ANK2: variants seen among roughly 807,000 people sequenced by gnomAD.
ANK2 encodes the protein ankyrin-2.
Under a neutral mutation model 360.5 loss-of-function variants are expected in ANK2, and 83 were observed. The observed-to-expected ratio is 0.23, with a 90% CI of 0.19 to 0.28. The LOEUF (loss-of-function observed/expected upper bound fraction) is 0.28. Ranked by LOEUF, ANK2 falls within the 10% of genes least tolerant of loss-of-function variation. ANK2 has a pLI of 1.00. For missense variants in ANK2, 4,201 were observed against 4,795.7 expected (o/e 0.88, Z 3.66); for synonymous variants, 1,740 against 1,759.5 (o/e 0.99, Z 0.28).
intron 2 of ANK2, among the ~76,000 whole-genome samples, chr4:113,194,892 A>G (rs2098726100): frequency 6.6e-6 from 1 of 152,164 alleles, no homozygotes; most frequent in African/African-American, 2.4e-5. Context: ...TATGCAGTAT[A>G]TATAAAATTG....
chr4:113,196,146 A>C (rs1301298362), intron 2 of ANK2, among the ~76,000 whole-genome samples: 1 of 152,252 alleles, frequency 6.6e-6, no homozygotes, highest in Non-Finnish European at 1.5e-5. Context: ...TGAAGTTGCC[A>C]AAATCCATGT....
chr4:113,256,125 A>G (rs566278069), intron 11 of ANK2, among the ~76,000 whole-genome samples, 193 bp downstream of exon 11: 1 of 152,366 alleles, frequency 6.6e-6, no homozygotes, highest in South Asian at 2.1e-4. Flanking sequence ...GTGAGCAAAG[A>G]TGTATTTAAG....
intron 1 of ANK2, among the ~76,000 whole-genome samples, chr4:113,136,685 A>T (rs2096429551): frequency 1.3e-5 from 2 of 152,086 alleles, no homozygotes; most frequent in Admixed American, 1.3e-4. Flanking sequence ...AAACAAACAA[A>T]TAAACAAAAA....
At chr4:112,995,907 A>G (rs1471913133) in intron 2 of ANK2, among the ~76,000 whole-genome samples, 1 of 152,196 alleles carries the variant, frequency 6.6e-6, no homozygotes, top group Non-Finnish European at 1.5e-5. Context: ...TGTAAATGGT[A>G]TAAGCACTTT....
chr4:113,328,476 A>G (rs936396178), intron 26 of ANK2, among the ~76,000 whole-genome samples: 1 of 152,206 alleles, frequency 6.6e-6, no homozygotes, highest in African/African-American at 2.4e-5. Context: ...TTGAGCAACA[A>G]ATAGTTCATT....
chr4:113,208,099 T>C (rs1011690316), intron 4 of ANK2, among the ~76,000 whole-genome samples: 7 of 152,090 alleles, frequency 4.6e-5, no homozygotes, highest in African/African-American at 1.7e-4. Flanking sequence ...AAGGTTTTCG[T>C]TCTAAGACTT....
At chr4:112,953,134 G>T (rs1216667352) in intron 2 of ANK2, among the ~76,000 whole-genome samples, 1 of 152,084 alleles carries the variant, frequency 6.6e-6, no homozygotes, top group East Asian at 1.9e-4. Flanking sequence ...ACATAAGTGG[G>T]GACACTGGGG....
rs565401243 is a variant in ANK2 at position 113,375,215 on chromosome 4, GT to G, written c.11859+1767del. The stretch of plus-strand genomic sequence containing the variant: ...ATCAGACTCAGAATCTCTGGAGCTG[GT>G]ATATGATTATACATCTTGTTTAAAA... On this transcript the variant is annotated intron_variant, in intron 45 of 45. Coordinates refer to ENST00000357077, the MANE Select transcript of ANK2 (RefSeq NM_001148.6). 2.8e-4 allele frequency among the ~76,000 whole-genome samples: 43 copies of G among 152,232 alleles called. 1 individual carries two copies. In the South Asian group the frequency reaches 8.9e-3, roughly 32 times the overall value.
At chr4:113,112,994 T>A (rs559175550) in intron 1 of ANK2, among the ~76,000 whole-genome samples, 119 of 152,320 alleles carry the variant, frequency 7.8e-4, no homozygotes, top group African/African-American at 2.6e-3. Flanking sequence ...GCTTTTGGGT[T>A]TGGCTTCAGG....
chr4:113,330,430 C>T lies in ANK2; in HGVS notation c.3085C>T (p.Arg1029Cys), dbSNP rs773701459. 18 of 1,614,052 alleles carry T rather than the reference C, an allele frequency of 1.1e-5. No homozygotes were observed. The highest frequency in any genetic ancestry group is 2.7e-5 in the African/African-American group (2 of 74,926). ...GGTGGAAGGAGAAGGCCTGGCCAGT[C>T]GCCTGATCGAAGTTGGACCTTCTGG... is the stretch of plus-strand genomic sequence containing the variant. ...PMVEGEGLAS[R>C]LIEVGPSGAQ... The change falls in exon 27 of 46, where the codon CGC becomes TGC. Residue 1029 changes from arginine to cysteine, a missense_variant. By Grantham distance (180) the Arg-to-Cys change is radical (BLOSUM62 -3). Around this residue, in one of 4 missense-constraint regions of ANK2, gnomAD observed 1,268 missense variants for 1,650.8 expected, o/e 0.77. Transcript: ENST00000357077.
At chr4:113,209,549 C>T (rs766389331) in intron 4 of ANK2, among the ~76,000 whole-genome samples, 20 of 152,086 alleles carry the variant, frequency 1.3e-4, no homozygotes, top group Non-Finnish European at 2.6e-4. Context: ...ATATCCACAC[C>T]AAGGTTTTCA....
At chr4:112,871,134 A>T (rs774232573) in intron 1 of ANK2, among the ~76,000 whole-genome samples, 1 of 151,752 alleles carries the variant, frequency 6.6e-6, no homozygotes, top group Non-Finnish European at 1.5e-5. Context: ...AATAGGACTG[A>T]TATTTGTATA....
chr4:112,750,698 G>C, the ANK2 span, among the ~76,000 whole-genome samples: 1 of 151,992 alleles, frequency 6.6e-6, no homozygotes, highest in African/African-American at 2.4e-5. Flanking sequence ...AGGGCTGCTG[G>C]GTTGCCTATT....
At chr4:112,857,152 A>C (rs1347500330) in intron 1 of ANK2, among the ~76,000 whole-genome samples, 1 of 152,212 alleles carries the variant, frequency 6.6e-6, no homozygotes, top group East Asian at 1.9e-4. Context: ...TTGAGAAGAG[A>C]GTTCAGGAGA....
Position 112,825,658 on chromosome 4 carries a change from A to C in ANK2, c.-40+7394A>C, listed in dbSNP as rs572452283. Among the ~76,000 whole-genome samples the C allele has an allele frequency of 7.2e-5, 11 of 152,366 alleles. No homozygotes were observed. In the East Asian group the frequency reaches 2.1e-3, roughly 29 times the overall value. On this transcript the variant is annotated intron_variant, in intron 1 of 30. Coordinates refer to the ANK2 transcript ENST00000503271. ...CTATAACAAAAGACAGATTAACCAG[A>C]GAAAATCATAAACCAAATTCACTTA...
intron 1 of ANK2, among the ~76,000 whole-genome samples, chr4:112,881,106 A>C (rs1421043152): frequency 6.6e-6 from 1 of 152,234 alleles, no homozygotes; most frequent in Non-Finnish European, 1.5e-5. Context: ...ACTATAAAAT[A>C]AACATATATT....
At chr4:113,205,421 G>T (rs1256413959) in intron 4 of ANK2, among the ~76,000 whole-genome samples, 2 of 151,942 alleles carry the variant, frequency 1.3e-5, no homozygotes, top group African/African-American at 2.4e-5. Flanking sequence ...TATCAAGTGA[G>T]TTCAAATAAG....
At position 113,336,687 on chromosome 4, in the gene ANK2, C is replaced by G. The variant is rs749339766; in HGVS notation, c.3702C>G (p.Thr1234=). Residue 1234 remains threonine (T), a synonymous_variant, in exon 31 of 46, where the codon ACC becomes ACG. Transcript: ENST00000357077. The part of the protein sequence containing the change: ...PRRRKFHKPI[T]MTIPVPKASS... ...GAAGAAAATTCCACAAACCAATTAC[C>G]ATGACCATTCCTGTCCCCAAAGCTT... 6.2e-7 allele frequency: 1 copy of G among 1,614,116 alleles called. No individual in the cohort carries two copies. Among genetic ancestry groups the G allele is most frequent in the Admixed American group, 1.7e-5 (1 of 60,024 alleles).
At chr4:113,091,851 C>T (rs146014792) in intron 1 of ANK2, among the ~76,000 whole-genome samples, 4 of 152,178 alleles carry the variant, frequency 2.6e-5, no homozygotes. Context: ...TTTCAGTTTG[C>T]GCTCTCTCAG....
Sources: gnomAD v4.1 joint callset for allele counts (sites outside exome capture counted in the v4.1 genomes callset) on GRCh38, gnomAD v4.1.1 for gene constraint, gnomAD v4.1.1 regional missense constraint, MANE v1.5 for transcripts, NCBI Gene and HGNC (gene_info 2026-07-23, HGNC 2026-07-21) for gene names.